MN1: variants seen among roughly 807,000 people sequenced by gnomAD.
The protein encoded by MN1 is transcriptional activator MN1.
In MN1, 19 loss-of-function variants were observed where a neutral mutation model predicts 86.9. That is an observed-to-expected ratio of 0.22 (90% CI 0.15 to 0.32). The LOEUF (loss-of-function observed/expected upper bound fraction) is 0.32. MN1 is among the 10% of genes least tolerant of loss of function. MN1 has a pLI of 1.00. For missense variants in MN1, 1,841 were observed against 1,862.0 expected (o/e 0.99, Z 0.21); for synonymous variants, 928 against 849.6 (o/e 1.09, Z -1.60).
chr22:27,798,411 C>A lies in MN1; in HGVS notation c.2133G>T (p.Gln711His), dbSNP rs767184865. ...CCACGCCCGCCCCGGGCGACTGCAG[C>A]TGACCCAGGCCTCCCAGACTGCCCC... ...QFGGSLGGLG[Q>H]LQSPGAGVGL... Residue 711 changes from glutamine to histidine, a missense_variant, in exon 1 of 2, where the codon CAG (glutamine) becomes CAT (histidine). Gln to His is a conservative substitution (Grantham distance 24). Transcript: ENST00000302326. The A allele has an allele frequency of 3.3e-6, 5 of 1,532,376 alleles. No homozygotes were observed. The highest frequency in any genetic ancestry group is 4.4e-6 in the Non-Finnish European group (5 of 1,148,684). The allele number at this position is 1,532,376 out of a possible 1,614,324, so 94.9% of individuals were successfully genotyped here.
Position 27,751,057 on chromosome 22 carries a change from G to C in MN1, c.3821C>G (p.Pro1274Arg). Reference sequence around the variant, plus strand: ...AGACAGGCACTGCAAGTGGCTGCCAGGCTGGGATGCTGAGGCCTTGTTTGC... The same window carrying C: ...AGACAGGCACTGCAAGTGGCTGCCACGCTGGGATGCTGAGGCCTTGTTTGC... The part of the protein sequence containing the change: ...LPANKASASQ[P>R]GSHLQCLSVH... The change falls in exon 2 of 2, where the codon CCT becomes CGT. Residue 1274 changes from proline to arginine, a missense_variant. Pro to Arg is a moderately radical substitution (Grantham distance 103). Transcript: ENST00000302326. The C allele has an allele frequency of 1.9e-6, 3 of 1,597,724 alleles. No homozygotes were observed. Among genetic ancestry groups the C allele is most frequent in the Non-Finnish European group, 2.6e-6 (3 of 1,169,258 alleles).
intron 1 of MN1, among the ~76,000 whole-genome samples, chr22:27,764,271 T>C (rs993068116): frequency 6.6e-6 from 1 of 152,208 alleles, no homozygotes; most frequent in African/African-American, 2.4e-5. Context: ...ACCAAGTCCC[T>C]TGTATTCTCC....
At chr22:27,788,150 A>ACTT (rs1310465652) in intron 1 of MN1, among the ~76,000 whole-genome samples, 2 of 152,150 alleles carry the variant, frequency 1.3e-5, no homozygotes, top group Non-Finnish European at 2.9e-5. Context: ...AGTAAACGAC[A>ACTT]CTTCAACTCA....
At chr22:27,783,097 T>TCACCAAC (rs1337586308) in intron 1 of MN1, among the ~76,000 whole-genome samples, 2 of 151,076 alleles carry the variant, frequency 1.3e-5, no homozygotes, top group East Asian at 3.9e-4. Flanking sequence ...AGGGTTGCCA[T>TCACCAAC]CACCAACCAC....
chr22:27,773,183 T>C (rs540766981), intron 1 of MN1, among the ~76,000 whole-genome samples: 1 of 149,122 alleles, frequency 6.7e-6, no homozygotes, highest in Non-Finnish European at 1.5e-5. Flanking sequence ...AGGGGGCCCC[T>C]CTTCCACAGC....
chr22:27,797,925 G>A lies in MN1; in HGVS notation c.2619C>T (p.Asn873=). Residue 873 remains asparagine, a synonymous_variant, in exon 1 of 2, where the codon AAC becomes AAT. Coordinates refer to ENST00000302326, the MANE Select transcript of MN1 (RefSeq NM_002430.3). ...CTCCTGGGAAGTAATCCGAGCCCGG[G>A]TTGCCGGCCACTGCCGCGCCGTCGG... is the stretch of plus-strand genomic sequence containing the variant. The part of the protein sequence containing the change: ...NETDGAAVAG[N]PGSDYFPGGT... 3 of 1,600,728 alleles carry A rather than the reference G, an allele frequency of 1.9e-6. No homozygotes were observed. The highest frequency in any genetic ancestry group is 2.6e-6 in the Non-Finnish European group (3 of 1,173,158).
intron 1 of MN1, among the ~76,000 whole-genome samples, chr22:27,769,940 A>G (rs1297255674): frequency 6.6e-6 from 1 of 152,098 alleles, no homozygotes; most frequent in Non-Finnish European, 1.5e-5. Flanking sequence ...TCTCATGCCA[A>G]TCTATAATGT....
At chr22:27,773,933 C>T (rs1932943527) in intron 1 of MN1, among the ~76,000 whole-genome samples, 1 of 152,142 alleles carries the variant, frequency 6.6e-6, no homozygotes, top group South Asian at 2.1e-4. Context: ...GGATTACAGG[C>T]GTGAGCCACC....
chr22:27,790,593 C>A (rs966585604), intron 1 of MN1, among the ~76,000 whole-genome samples: 13 of 152,144 alleles, frequency 8.5e-5, no homozygotes, highest in African/African-American at 3.1e-4. Context: ...AGTGTCGTCT[C>A]CGCCACGTCG....
In MN1 at chr22:27,797,589, G is replaced by A. The variant is rs1220417558; in HGVS notation, c.2955C>T (p.Ala985=). ...SPGQQQASGA[A]VGGSSAGETR... is the part of the protein sequence containing the mutation. ...TCTCGCCTGCGGAGCTTCCCCCGAC[G>A]GCTGCGCCTGACGCTTGCTGCTGCC... Residue 985 remains alanine (A), a synonymous_variant, in exon 1 of 2, where the codon GCC becomes GCT. Transcript: ENST00000302326. 3 of 1,598,246 alleles carry A rather than the reference G, an allele frequency of 1.9e-6. No homozygotes were observed. Among genetic ancestry groups the A allele is most frequent in the Admixed American group, 1.7e-5 (1 of 58,532 alleles).
intron 1 of MN1, among the ~76,000 whole-genome samples, chr22:27,777,745 G>A (rs538383214): frequency 1.9e-4 from 29 of 151,336 alleles, no homozygotes; most frequent in African/African-American, 6.3e-4. Flanking sequence ...GCGTGGTGGC[G>A]CATGCCTGTA....
chr22:27,786,268 C>T (rs1335042977), intron 1 of MN1, among the ~76,000 whole-genome samples: 1 of 152,204 alleles, frequency 6.6e-6, no homozygotes, highest in Non-Finnish European at 1.5e-5. Flanking sequence ...CTGAAGTGCT[C>T]GCACCATCAA....
intron 1 of MN1, among the ~76,000 whole-genome samples, chr22:27,770,032 T>C (rs540244770): frequency 1.6e-4 from 24 of 152,296 alleles, no homozygotes; most frequent in African/African-American, 5.8e-4. Context: ...TAGTCACTAA[T>C]TGGCAATCAT....
At chr22:27,771,413 AG>A (rs542618042) in intron 1 of MN1, among the ~76,000 whole-genome samples, 43 of 151,778 alleles carry the variant, frequency 2.8e-4, no homozygotes, top group Middle Eastern at 3.4e-3. Flanking sequence ...AGAGGTTGGT[AG>A]GGGGGTCTCA....
chr22:27,797,350 T>G lies in MN1; in HGVS notation c.3194A>C (p.Asn1065Thr). The change falls in exon 1 of 2, where the codon AAC becomes ACC. Residue 1065 changes from asparagine to threonine, a missense_variant. Physicochemically the swap from Asn to Thr is moderately conservative, Grantham distance 65. Coordinates refer to ENST00000302326, the MANE Select transcript of MN1 (RefSeq NM_002430.3). ...NEDEVSSSSD[N>T]PQALVKASRS... ...GCTCGCTTTAACTAGTGCCTGGGGG[T>G]TGTCAGAGCTGGACGACACCTCGTC... The G allele has an allele frequency of 1.2e-6, 2 of 1,607,884 alleles. No homozygotes were observed. The highest frequency in any genetic ancestry group is 1.7e-6 in the Non-Finnish European group (2 of 1,179,814).
intron 1 of MN1, among the ~76,000 whole-genome samples, chr22:27,778,093 C>T (rs745975651): frequency 5.3e-5 from 8 of 152,182 alleles, no homozygotes; most frequent in Admixed American, 1.3e-4. Context: ...GTGATTAATG[C>T]GCTCTTAAAT....
Position 27,798,000 on chromosome 22 carries a change from G to A in MN1, c.2544C>T (p.Phe848=). 1 of 1,596,928 alleles carries A rather than the reference G, an allele frequency of 6.3e-7. No homozygotes were observed. Among genetic ancestry groups the A allele is most frequent in the Non-Finnish European group, 8.5e-7 (1 of 1,173,342 alleles). The part of the protein sequence containing the change: ...SLGAPNLNVT[F]NKKNPPEGKR... ...TGCCCTCTGGCGGGTTCTTCTTGTT[G>A]AAGGTCACGTTGAGGTTGGGGGCCC... Residue 848 remains phenylalanine (F), a synonymous_variant, in exon 1 of 2, where the codon TTC becomes TTT. Coordinates refer to ENST00000302326, the MANE Select transcript of MN1 (RefSeq NM_002430.3).
chr22:27,763,122 C>T (rs1233608606), intron 1 of MN1, among the ~76,000 whole-genome samples: 2 of 152,098 alleles, frequency 1.3e-5, no homozygotes, highest in African/African-American at 4.8e-5. Context: ...CAAAACAAAA[C>T]AAATATACAT....
At chr22:27,795,303 G>A (rs938108878) in intron 1 of MN1, among the ~76,000 whole-genome samples, 1 of 152,046 alleles carries the variant, frequency 6.6e-6, no homozygotes, top group Non-Finnish European at 1.5e-5. Context: ...AAAGCTACCC[G>A]GGATGCGCGC....
Sources: gnomAD v4.1 joint callset for allele counts (sites outside exome capture counted in the v4.1 genomes callset) on GRCh38, gnomAD v4.1.1 for gene constraint, MANE v1.5 for transcripts, NCBI Gene and HGNC (gene_info 2026-07-23, HGNC 2026-07-21) for gene names.